The following FAM163A variants were observed in gnomAD, a reference collection of about 807,000 sequenced individuals.
FAM163A encodes the protein family with sequence similarity 163 member A, also known as protein FAM163A.
A neutral mutation model predicts 12.0 loss-of-function variants in FAM163A; 7 were observed. The ratio of observed to expected loss-of-function variants is 0.58; its 90% CI spans 0.33 to 1.10. The LOEUF is 1.10. Ranked by LOEUF, FAM163A falls within the 50% of genes least tolerant of loss-of-function variation. The pLI, the probability that FAM163A is intolerant of heterozygous loss-of-function variation, is 0.03. For missense variants in FAM163A, 202 were observed against 218.6 expected, an observed-to-expected ratio of 0.92 and a Z score of 0.48; for synonymous variants, 101 against 91.0, an observed-to-expected ratio of 1.11 and a Z score of -0.62.
At chr1:179,741,196 A>T (rs1683591524), upstream of FAM163A, among the ~76,000 whole-genome samples, 1 of 152,240 alleles carries the variant, frequency 6.6e-6, no homozygotes, top group African/African-American at 2.4e-5. Flanking sequence ...GCCCAATTTC[A>T]TTGGTAATTA....
rs3075152 is a variant in FAM163A at position 179,792,283 on chromosome 1, TTGTGTG to T, written c.-135-15476_-135-15471del. Among the ~76,000 whole-genome samples the T allele has an allele frequency of 9.3e-3, 1,244 of 133,608 alleles. 20 individuals carry two copies. Among genetic ancestry groups the T allele is most frequent in the African/African-American group, 0.027 (962 of 35,194 alleles). 87.7% of individuals were successfully genotyped at this position (133,608 alleles called of 152,430 possible). On this transcript the variant is annotated intron_variant, in intron 1 of 4. Transcript: ENST00000341785. ...TACAGACACATGCCACCATATCTGA[TTGTGTG>T]TGTGTGTGTGTGTGTGTGTGTGTGT...
At chr1:179,785,624 A>G (rs1050219653) in intron 1 of FAM163A, among the ~76,000 whole-genome samples, 2 of 152,176 alleles carry the variant, frequency 1.3e-5, no homozygotes, top group Non-Finnish European at 2.9e-5. Flanking sequence ...AAAACCTTTA[A>G]AACACTGAAA....
chr1:179,771,307 C>T (rs1029015250), intron 1 of FAM163A, among the ~76,000 whole-genome samples: 1 of 152,228 alleles, frequency 6.6e-6, no homozygotes, highest in Non-Finnish European at 1.5e-5. Context: ...TCCCACCCAG[C>T]ACTGGGGTCT....
chr1:179,804,842 T>A (rs1693697252), intron 1 of FAM163A, among the ~76,000 whole-genome samples: 1 of 151,924 alleles, frequency 6.6e-6, no homozygotes, highest in Non-Finnish European at 1.5e-5. Flanking sequence ...CAGAAAAAAA[T>A]AACTATTGGG....
chr1:179,751,295 T>C (rs1267300696), intron 1 of FAM163A, among the ~76,000 whole-genome samples: 3 of 151,700 alleles, frequency 2.0e-5, no homozygotes, highest in Non-Finnish European at 4.4e-5. Context: ...AGGGTGGTCC[T>C]GAAAAGGAGA....
intron 1 of FAM163A, among the ~76,000 whole-genome samples, chr1:179,752,440 T>G (rs1364293400): frequency 6.9e-6 from 1 of 144,200 alleles, no homozygotes; most frequent in Non-Finnish European, 1.5e-5. Context: ...AAAATGGACA[T>G]GTGGGATTAC....
intron 1 of FAM163A, among the ~76,000 whole-genome samples, chr1:179,782,596 C>G (rs920752162): frequency 1.3e-5 from 2 of 152,174 alleles, no homozygotes; most frequent in Non-Finnish European, 2.9e-5. Flanking sequence ...TTGTGCCCAT[C>G]ATCCTTCCCA....
chr1:179,756,520 G>T (rs1168503272), intron 1 of FAM163A, among the ~76,000 whole-genome samples: 1 of 152,206 alleles, frequency 6.6e-6, no homozygotes, highest in Non-Finnish European at 1.5e-5. Flanking sequence ...TACTCTGGGG[G>T]AAAGAGCAGG....
At chr1:179,795,550 A>G (rs1692174297) in intron 1 of FAM163A, among the ~76,000 whole-genome samples, 4 of 152,150 alleles carry the variant, frequency 2.6e-5, no homozygotes, top group Admixed American at 2.6e-4. Context: ...GATGACCCCC[A>G]CCAGATGCTG....
At chr1:179,749,006 A>G (rs6663482) in intron 1 of FAM163A, among the ~76,000 whole-genome samples, 36,146 of 152,150 alleles carry the variant, frequency 0.24, 4,955 homozygotes, top group East Asian at 0.63. Context: ...GGTATTGACA[A>G]CAGGCATGTG....
chr1:179,739,304 T>G (rs1251316380), upstream of FAM163A, among the ~76,000 whole-genome samples: 1 of 151,652 alleles, frequency 6.6e-6, no homozygotes, highest in Non-Finnish European at 1.5e-5. Flanking sequence ...ATAGAAAAAA[T>G]AGTAAAATTA....
At chr1:179,782,463 G>A (rs538355169) in intron 1 of FAM163A, among the ~76,000 whole-genome samples, 58 of 152,052 alleles carry the variant, frequency 3.8e-4, no homozygotes, top group African/African-American at 1.3e-3. Flanking sequence ...TTTGGCGGGC[G>A]GGAAAGCTTG....
chr1:179,775,484 T>C (rs1688828248), intron 1 of FAM163A, among the ~76,000 whole-genome samples: 1 of 152,214 alleles, frequency 6.6e-6, no homozygotes, highest in African/African-American at 2.4e-5. Context: ...AATTTAGTTC[T>C]AAGAAGTCAG....
the FAM163A span, among the ~76,000 whole-genome samples, chr1:179,730,947 G>A: frequency 6.6e-6 from 1 of 152,142 alleles, no homozygotes; most frequent in Non-Finnish European, 1.5e-5. Flanking sequence ...TTTTCTTTTA[G>A]GAAAGCCCAA....
chr1:179,769,860 C>CATTTGT (rs1688021115), intron 1 of FAM163A, among the ~76,000 whole-genome samples: 1 of 144,676 alleles, frequency 6.9e-6, no homozygotes. Flanking sequence ...TTGTTTTGTT[C>CATTTGT]ATTTGTTTTA....
At chr1:179,806,846 G>A (rs774216479) in intron 1 of FAM163A, among the ~76,000 whole-genome samples, 1 of 151,730 alleles carries the variant, frequency 6.6e-6, no homozygotes, top group African/African-American at 2.4e-5. Flanking sequence ...GTTCAAGCCT[G>A]TAATCCCAGC....
At chr1:179,777,337 T>A (rs1325346029) in intron 1 of FAM163A, among the ~76,000 whole-genome samples, 1 of 152,220 alleles carries the variant, frequency 6.6e-6, no homozygotes, top group Non-Finnish European at 1.5e-5. Context: ...GTTTTTAAAC[T>A]TCAGTTTTTG....
intron 1 of FAM163A, among the ~76,000 whole-genome samples, chr1:179,785,472 G>A (rs1308000783): frequency 6.6e-6 from 1 of 152,154 alleles, no homozygotes; most frequent in African/African-American, 2.4e-5. Flanking sequence ...TCTCTTGGGT[G>A]TAGCTGGGAA....
intron 2 of FAM163A, among the ~76,000 whole-genome samples, chr1:179,811,708 G>T (rs1173128010): frequency 1.3e-5 from 2 of 152,156 alleles, no homozygotes; most frequent in Admixed American, 6.5e-5. Flanking sequence ...AACACACCAG[G>T]GTGCATAGCT....
Sources: allele counts gnomAD v4.1 joint callset (sites outside exome capture counted in the v4.1 genomes callset), GRCh38; gene constraint gnomAD v4.1.1; transcripts MANE v1.5; gene names NCBI Gene and HGNC (gene_info 2026-07-23, HGNC 2026-07-21).